Variants in EDIL3 observed in about 807,000 individuals in gnomAD.
EDIL3 encodes the protein EGF like and discoidin domains 3.
A neutral mutation model predicts 67.4 loss-of-function variants in EDIL3; 37 were observed. The ratio of observed to expected loss-of-function variants is 0.55; its 90% CI spans 0.42 to 0.72. EDIL3 has a LOEUF of 0.72. Among genes scored for constraint, EDIL3 ranks in the 30% least tolerant of loss-of-function variants. The pLI is 0.00. For missense variants in EDIL3, 527 were observed against 586.3 expected (o/e 0.90, Z 1.04); for synonymous variants, 195 against 196.3 (o/e 0.99, Z 0.05).
chr5:84,298,170 T>C (rs1471223611), intron 1 of EDIL3, among the ~76,000 whole-genome samples: 1 of 152,098 alleles, frequency 6.6e-6, no homozygotes, highest in Non-Finnish European at 1.5e-5. Flanking sequence ...ATTATAAAGA[T>C]ACATGCACGC....
chr5:84,157,986 C>T (rs1748522834), intron 4 of EDIL3, among the ~76,000 whole-genome samples: 1 of 152,012 alleles, frequency 6.6e-6, no homozygotes, highest in Non-Finnish European at 1.5e-5. Context: ...TATTACAGAA[C>T]AAAGAAGTGT....
intron 9 of EDIL3, among the ~76,000 whole-genome samples, chr5:84,050,278 G>C (rs4639197): frequency 0.32 from 48,586 of 150,264 alleles, 8,148 homozygotes; most frequent in African/African-American, 0.41. Flanking sequence ...ATAGAAGTGA[G>C]TAGATGAAAC....
chr5:84,146,081 T>C (rs1386674634), intron 4 of EDIL3, among the ~76,000 whole-genome samples: 3 of 152,110 alleles, frequency 2.0e-5, no homozygotes, highest in Non-Finnish European at 4.4e-5. Context: ...CTACATAAGG[T>C]TTAATAATAC....
chr5:83,998,882 G>A (rs116805734), intron 9 of EDIL3, among the ~76,000 whole-genome samples: 51 of 152,300 alleles, frequency 3.3e-4, no homozygotes, highest in African/African-American at 1.2e-3. Context: ...TCCCAGTGGT[G>A]GTTATGGGAG....
intron 4 of EDIL3, among the ~76,000 whole-genome samples, chr5:84,156,328 T>A (rs1332750996): frequency 6.6e-6 from 1 of 152,184 alleles, no homozygotes; most frequent in Non-Finnish European, 1.5e-5. Context: ...CACCCCTAGC[T>A]AGCCTGGACC....
intron 1 of EDIL3, among the ~76,000 whole-genome samples, chr5:84,323,193 T>A (rs1746684670): frequency 1.3e-5 from 2 of 152,208 alleles, no homozygotes; most frequent in Admixed American, 1.3e-4. Flanking sequence ...TTATACAGAA[T>A]TTAATAGAGT....
intron 5 of EDIL3, among the ~76,000 whole-genome samples, chr5:84,114,910 A>AT (rs944193105): frequency 3.3e-5 from 5 of 151,982 alleles, no homozygotes; most frequent in South Asian, 2.1e-4. Flanking sequence ...CAATTTGTGC[A>AT]TTTTTTTTCC....
At chr5:84,015,124 G>A (rs553015239) in intron 9 of EDIL3, among the ~76,000 whole-genome samples, 2 of 152,232 alleles carry the variant, frequency 1.3e-5, no homozygotes, top group South Asian at 4.1e-4. Context: ...GGTCCACTTG[G>A]GACATAACAG....
intron 2 of EDIL3, among the ~76,000 whole-genome samples, chr5:84,237,823 GC>G (rs2112053190): frequency 6.6e-6 from 1 of 152,050 alleles, no homozygotes; most frequent in Admixed American, 6.6e-5. Flanking sequence ...TTATATTTCT[GC>G]CATTTTCCTG....
intron 9 of EDIL3, among the ~76,000 whole-genome samples, chr5:83,990,911 A>AAATG (rs1745140002): frequency 6.6e-6 from 1 of 151,176 alleles, no homozygotes; most frequent in Non-Finnish European, 1.5e-5. Context: ...ATAAATAAAT[A>AAATG]AATAAATAAA....
chr5:83,970,684 T>TATATATATATATATATATA (rs1491469489), intron 9 of EDIL3, among the ~76,000 whole-genome samples: 3 of 131,488 alleles, frequency 2.3e-5, no homozygotes, highest in African/African-American at 5.5e-5. Flanking sequence ...TATATATATA[T>TATATATATATATATATATA]TTAAGAACAT....
chr5:83,945,259 G>A (rs956522376), intron 10 of EDIL3, among the ~76,000 whole-genome samples: 6 of 151,950 alleles, frequency 3.9e-5, no homozygotes, highest in African/African-American at 1.4e-4. Context: ...AAACTCACAG[G>A]TACAGGACAT....
At chr5:84,006,081 A>AT (rs1745410087) in intron 9 of EDIL3, among the ~76,000 whole-genome samples, 3 of 134,510 alleles carry the variant, frequency 2.2e-5, no homozygotes, top group African/African-American at 1.0e-4. Context: ...AATAGCATTA[A>AT]TAATAATAAT....
chr5:84,022,231 T>C (rs1745731459), intron 9 of EDIL3, among the ~76,000 whole-genome samples: 1 of 151,934 alleles, frequency 6.6e-6, no homozygotes, highest in South Asian at 2.1e-4. Flanking sequence ...AATTGAGATT[T>C]ATACCAGGGA....
intron 1 of EDIL3, among the ~76,000 whole-genome samples, chr5:84,277,894 C>T (rs374801229): frequency 3.3e-5 from 5 of 152,050 alleles, no homozygotes; most frequent in African/African-American, 7.2e-5. Flanking sequence ...TATGAAGGTC[C>T]TTTTACCGTA....
chr5:83,958,609 TCA>T (rs1245851471), intron 10 of EDIL3, among the ~76,000 whole-genome samples: 2 of 151,478 alleles, frequency 1.3e-5, no homozygotes, highest in Non-Finnish European at 3.0e-5. Context: ...TGCTGTGAAT[TCA>T]GACTTATTTA....
chr5:84,115,349 G>C (rs1466115935), intron 5 of EDIL3, among the ~76,000 whole-genome samples: 1 of 152,046 alleles, frequency 6.6e-6, no homozygotes, highest in Admixed American at 6.5e-5. Flanking sequence ...AGCCAATTAT[G>C]ATATATTATC....
intron 5 of EDIL3, among the ~76,000 whole-genome samples, chr5:84,130,015 G>C (rs252656): frequency 0.89 from 135,447 of 152,190 alleles, 60,560 homozygotes; most frequent in East Asian, 1. Flanking sequence ...AACAAAGGAT[G>C]TGTTTATTCT....
At chr5:84,016,630 C>T (rs984721194) in intron 9 of EDIL3, among the ~76,000 whole-genome samples, 29 of 152,100 alleles carry the variant, frequency 1.9e-4, no homozygotes, top group Admixed American at 1.7e-3. Flanking sequence ...GTGTAATGCA[C>T]AAAACTATTA....
Sources: allele counts gnomAD v4.1 joint callset (sites outside exome capture counted in the v4.1 genomes callset), GRCh38; gene constraint gnomAD v4.1.1; transcripts MANE v1.5; gene names NCBI Gene and HGNC (gene_info 2026-07-23, HGNC 2026-07-21).